Variants in ZNF587 observed in about 807,000 individuals in gnomAD.
ZNF587 encodes zinc finger protein 587.
A neutral mutation model predicts 7.5 loss-of-function variants in ZNF587; 8 were observed. The ratio of observed to expected loss-of-function variants is 1.06; its 90% CI spans 0.62 to 1.92. The LOEUF (loss-of-function observed/expected upper bound fraction) is 1.92. Ranked by LOEUF, ZNF587 falls within the 40% of genes most tolerant of loss-of-function variation. The pLI is 0.00. For synonymous variants in ZNF587, 145 were observed against 237.8 expected (o/e 0.61, Z 3.59); for missense variants, 468 against 692.8 (o/e 0.68, Z 3.64).
chr19:57,850,392 G>T (rs1326284657), intron 1 of ZNF587: 3 of 574,986 alleles, frequency 5.2e-6, no homozygotes, highest in African/African-American at 3.7e-5. Context: ...TCAAAATTTG[G>T]CGGGTAGGGG....
chr19:57,857,730 G>C (rs1568507809), intron 2 of ZNF587, among the ~76,000 whole-genome samples: 1 of 151,858 alleles, frequency 6.6e-6, no homozygotes, highest in African/African-American at 2.4e-5. Flanking sequence ...TGCCTCCTGG[G>C]TTCAAGCGAT....
At chr19:57,850,655 T>TA (rs2071270155) in intron 1 of ZNF587, 1 of 398,852 alleles carries the variant, frequency 2.5e-6, no homozygotes, top group Admixed American at 4.4e-5. Context: ...ACAAAGGAGT[T>TA]AGAAAGAGAC....
At position 57,861,974 on chromosome 19, in the gene ZNF587, A is replaced by AT. The variant is rs775849471; in HGVS notation, c.*1835dup. Reference sequence around the variant, plus strand: ...ATTTTAGTAGAGATGGGGTTTCACCATGTTACCCAGGCTGCTCTCTACCTT... The same window carrying AT: ...ATTTTAGTAGAGATGGGGTTTCACCATTGTTACCCAGGCTGCTCTCTACCTT... On this transcript the variant is annotated 3_prime_UTR_variant, in exon 3 of 3. Coordinates refer to ENST00000339656, the MANE Select transcript of ZNF587 (RefSeq NM_032828.4). The AT allele has an allele frequency of 1.3e-5, 2 of 151,972 alleles. No individual in the cohort carries two copies. The highest frequency in any genetic ancestry group is 2.9e-5 in the Non-Finnish European group (2 of 68,020). The allele number at this position is 151,972 out of a possible 1,614,324, so 9.4% of individuals were successfully genotyped here.
intron 2 of ZNF587, 122 bp downstream of exon 2, chr19:57,856,355 T>G: frequency 6.8e-7 from 1 of 1,468,272 alleles, no homozygotes; most frequent in Non-Finnish European, 9.0e-7. Flanking sequence ...CACTTCTCTG[T>G]GTAAGTTGTG....
rs1350837734 is a variant in ZNF587, at chr19:57,859,710, A to C, written c.1298A>C (p.Glu433Ala). 1 of 1,613,818 alleles carries C rather than the reference A, an allele frequency of 6.2e-7. No individual in the cohort carries two copies. The highest frequency in any genetic ancestry group is 8.5e-7 in the Non-Finnish European group (1 of 1,179,942). The change falls in exon 3 of 3, where the codon GAA (glutamate) becomes GCA (alanine). Residue 433 changes from glutamate (E) to alanine (A), a missense_variant. Physicochemically the swap from Glu to Ala is moderately radical, Grantham distance 107. Transcript: ENST00000339656. ...GAACACCAGAGACTTCACACTGGGG[A>C]AAGACCTTACAATTGTAGGGAATGT... Reference protein sequence around the residue: ...LTEHQRLHTGERPYNCRECGK... With the variant: ...LTEHQRLHTGARPYNCRECGK...
At chr19:57,853,222 G>A (rs908076427) in intron 1 of ZNF587, among the ~76,000 whole-genome samples, 2 of 152,214 alleles carry the variant, frequency 1.3e-5, no homozygotes, top group African/African-American at 4.8e-5. Flanking sequence ...CAAGGTTTTT[G>A]ATCTTAGCAG....
At chr19:57,853,045 G>T (rs1443284095) in intron 1 of ZNF587, among the ~76,000 whole-genome samples, 2 of 151,222 alleles carry the variant, frequency 1.3e-5, no homozygotes, top group East Asian at 1.9e-4. Flanking sequence ...TAAAGTCGGG[G>T]TTTCACCATG....
intron 1 of ZNF587, chr19:57,851,916 C>T (rs2071285466): frequency 6.3e-6 from 1 of 159,188 alleles, no homozygotes; most frequent in Non-Finnish European, 1.4e-5. Flanking sequence ...GTCAGACAAC[C>T]AGCCTTAGGG....
chr19:57,858,140 T>G (rs1272951443), intron 2 of ZNF587: 1 of 151,186 alleles, frequency 6.6e-6, no homozygotes, highest in Non-Finnish European at 1.5e-5. Flanking sequence ...TTTTTTTTTT[T>G]TTTGTGATTG....
At chr19:57,856,567 C>T (rs1233162259) in intron 2 of ZNF587, among the ~76,000 whole-genome samples, 1 of 151,990 alleles carries the variant, frequency 6.6e-6, no homozygotes, top group African/African-American at 2.4e-5. Context: ...ACCACCACGC[C>T]TGGCTAATTT....
rs2071448858 is a variant in ZNF587 at position 57,862,669 on chromosome 19, GTGAATTTGGCAAGTAACCACTGTTCCCA to G, written c.*2530_*2557del. ...TGCAGCCACAGTTTTGGCCGTAAATGTGAATTTGGCAAGTAACCACTGTTCCCAGGGAAATGTCCCAATCAGAAGAAGA... is the reference window on the plus strand; with the variant it reads ...TGCAGCCACAGTTTTGGCCGTAAATGGGGAAATGTCCCAATCAGAAGAAGA... On this transcript the variant is annotated 3_prime_UTR_variant, in exon 3 of 3. Transcript: ENST00000339656. The G allele has an allele frequency of 1.3e-5, 2 of 154,900 alleles. No homozygotes were observed. Among genetic ancestry groups the G allele is most frequent in the Admixed American group, 6.6e-5 (1 of 15,254 alleles). 9.6% of individuals were successfully genotyped at this position (154,900 alleles called of 1,614,324 possible).
rs1345091614 is a variant in ZNF587, at chr19:57,860,777, T to C, written c.*637T>C. ...TTGTCTGTTATAAATGAAACTGCTA[T>C]ATTTGAATGCAGTTGTTCATGTAGG... is the stretch of plus-strand genomic sequence containing the variant. On this transcript the variant is annotated 3_prime_UTR_variant, in exon 3 of 3. Transcript: ENST00000339656. 1 of 153,938 alleles carries C rather than the reference T, an allele frequency of 6.5e-6. No individual in the cohort carries two copies. The highest frequency in any genetic ancestry group is 2.4e-5 in the African/African-American group (1 of 41,458). 9.5% of individuals were successfully genotyped at this position (153,938 alleles called of 1,614,324 possible). A position where few individuals can be genotyped will look rare whatever the true frequency, so the allele number is the denominator to read the frequency against.
rs778822090 is a variant in ZNF587 at position 57,857,520 on chromosome 19, A to AC, written c.164-1054dup. On this transcript the variant is annotated intron_variant, in intron 2 of 2. Coordinates refer to ENST00000339656, the MANE Select transcript of ZNF587 (RefSeq NM_032828.4). ...TTAGGAAGTGTATGCCCATGGTTAA[A>AC]CCATCTATGACCACCCCTGCTGTGT... Among the ~76,000 whole-genome samples the AC allele has an allele frequency of 7.2e-5, 11 of 151,756 alleles. 1 individual carries two copies. The highest frequency in any genetic ancestry group is 1.3e-4 in the Admixed American group (2 of 15,240).
chr19:57,859,716 C>G lies in ZNF587; in HGVS notation c.1304C>G (p.Pro435Arg), dbSNP rs1324202533. The change falls in exon 3 of 3, where the codon CCT becomes CGT. Residue 435 changes from proline (P) to arginine (R), a missense_variant. Pro to Arg is a moderately radical substitution (Grantham distance 103). Transcript: ENST00000339656. ...CAGAGACTTCACACTGGGGAAAGAC[C>G]TTACAATTGTAGGGAATGTGGGAAA... ...EHQRLHTGER[P>R]YNCRECGKLF... 6.2e-7 allele frequency: 1 copy of G among 1,613,744 alleles called. No homozygotes were observed. Among genetic ancestry groups the G allele is most frequent in the South Asian group, 1.1e-5 (1 of 91,070 alleles).
chr19:57,852,839 G>GTTT (rs2071298273), intron 1 of ZNF587, among the ~76,000 whole-genome samples: 3 of 76,080 alleles, frequency 3.9e-5, no homozygotes, highest in Admixed American at 2.7e-4. Flanking sequence ...AGACAGCTAG[G>GTTT]CTTTTTTTTT....
At chr19:57,850,999 G>C in intron 1 of ZNF587, 1 of 153,830 alleles carries the variant, frequency 6.5e-6, no homozygotes, top group Non-Finnish European at 1.4e-5. Flanking sequence ...CTTCAAGGGA[G>C]TGTGATCTCC....
rs771494429 is a variant in ZNF587 at position 57,860,005 on chromosome 19, A to T, written c.1593A>T (p.Glu531Asp). ...GTGAATGTGGAAAATCCTTTTCTGA[A>T]TGTTCCAGTCTCATTAAACACAGGA... ...KCSECGKSFS[E>D]CSSLIKHRRI... Residue 531 changes from glutamate (E) to aspartate (D), a missense_variant, in exon 3 of 3, where the codon GAA (glutamate) becomes GAT (aspartate). Around this residue, in one of 5 missense-constraint regions of ZNF587, gnomAD observed 310 missense variants for 325.6 expected, o/e 0.95. Transcript: ENST00000339656. 6.2e-7 allele frequency: 1 copy of T among 1,614,060 alleles called. No individual in the cohort carries two copies. The highest frequency in any genetic ancestry group is 8.5e-7 in the Non-Finnish European group (1 of 1,179,996).
Position 57,863,222 on chromosome 19 carries a change from T to C in ZNF587, c.*3082T>C, listed in dbSNP as rs2071459109. 6.6e-6 allele frequency: 1 copy of C among 152,272 alleles called. No individual in the cohort carries two copies. The highest frequency in any genetic ancestry group is 1.5e-5 in the Non-Finnish European group (1 of 68,094). The allele number at this position is 152,272 out of a possible 1,614,324, so 9.4% of individuals were successfully genotyped here. A position where few individuals can be genotyped will look rare whatever the true frequency, so the allele number is the denominator to read the frequency against. On this transcript the variant is annotated 3_prime_UTR_variant, in exon 3 of 3. Transcript: ENST00000339656. ...ACTTCTACCTCCTGGATTCAAGCAC[T>C]TCTCCTTGCCTCAGCCACCTCTTTA...
At chr19:57,858,122 C>CTTT (rs572536483) in intron 2 of ZNF587, 289 of 123,452 alleles carry the variant, frequency 2.3e-3, no homozygotes, top group African/African-American at 2.6e-3. Flanking sequence ...GAAGCCCCAT[C>CTTT]TTTTTTTTTT....
Sources: allele counts gnomAD v4.1 joint callset (sites outside exome capture counted in the v4.1 genomes callset), GRCh38; gene constraint gnomAD v4.1.1; regional missense constraint gnomAD v4.1.1; transcripts MANE v1.5; gene names NCBI Gene and HGNC (gene_info 2026-07-23, HGNC 2026-07-21).